Variants in HIP1 observed in about 807,000 individuals in gnomAD.
The protein encoded by HIP1 is huntingtin-interacting protein 1.
HIP1 carries 65 observed loss-of-function variants against 147.6 expected under a neutral mutation model. That is an observed-to-expected ratio of 0.44 (90% CI 0.36 to 0.54). The LOEUF is 0.54. HIP1 is among the 20% of genes least tolerant of loss of function. The pLI, the probability that HIP1 is intolerant of heterozygous loss-of-function variation, is 0.00. For synonymous variants in HIP1, 479 were observed against 504.0 expected (o/e 0.95, Z 0.67); for missense variants, 1,061 against 1,299.6 (o/e 0.82, Z 2.82).
In HIP1 at chr7:75,563,035, T is replaced by A; in HGVS notation, c.920A>T (p.His307Leu). 6.2e-7 allele frequency: 1 copy of A among 1,614,180 alleles called. No individual in the cohort carries two copies. The highest frequency in any genetic ancestry group is 8.5e-7 in the Non-Finnish European group (1 of 1,180,030). Residue 307 changes from histidine (H) to leucine (L), a missense_variant, in exon 11 of 31, where the codon CAT (histidine) becomes CTT (leucine). His to Leu is a moderately conservative substitution (Grantham distance 99, BLOSUM62 -3). Coordinates refer to ENST00000336926, the MANE Select transcript of HIP1 (RefSeq NM_005338.7). Reference sequence around the variant, plus strand: ...AGGGATCACCACCACAGGGCTGATATGTTCTGACAGGGCTGAGGCTCGCAG... The same window carrying A: ...AGGGATCACCACCACAGGGCTGATAAGTTCTGACAGGGCTGAGGCTCGCAG... Reference protein sequence around the residue: ...NFLRASALSEHISPVVVIPAE... With the variant: ...NFLRASALSELISPVVVIPAE...
At chr7:75,549,176 C>A (rs2116772008) in intron 22 of HIP1, among the ~76,000 whole-genome samples, 175 bp from the exon 23 acceptor site, 1 of 152,106 alleles carries the variant, frequency 6.6e-6, no homozygotes, top group South Asian at 2.1e-4. Flanking sequence ...CTCTGTGACA[C>A]AAACTCTGGA....
At position 75,562,284 on chromosome 7, in the gene HIP1, C is replaced by A. The variant is rs896311782; in HGVS notation, c.1021-114G>T. On this transcript the variant is annotated intron_variant, in intron 11 of 30. Coordinates refer to ENST00000336926, the MANE Select transcript of HIP1 (RefSeq NM_005338.7). ...CTTTCTCGAATTAAACGGTTCAGAC[C>A]TGTTTAATTTTTTTAATTTTTTTGA... 9 of 715,854 alleles carry A rather than the reference C, an allele frequency of 1.3e-5. No homozygotes were observed. The African/African-American group carries it at 1.6e-4, about 13-fold the overall frequency. The allele number at this position is 715,854 out of a possible 1,614,324, so 44.3% of individuals were successfully genotyped here. A position where few individuals can be genotyped will look rare whatever the true frequency, so the allele number is the denominator to read the frequency against.
chr7:75,605,493 A>G (rs1255119415), intron 1 of HIP1, among the ~76,000 whole-genome samples: 1 of 152,098 alleles, frequency 6.6e-6, no homozygotes, highest in Non-Finnish European at 1.5e-5. Context: ...GTAGAGCTGG[A>G]TGGAGCCTGG....
chr7:75,614,728 G>A (rs1797579271), intron 1 of HIP1, among the ~76,000 whole-genome samples: 1 of 147,586 alleles, frequency 6.8e-6, no homozygotes, highest in African/African-American at 2.6e-5. Context: ...CATGTTATAT[G>A]TATTTTGTCA....
chr7:75,704,339 G>A (rs1302382054), intron 1 of HIP1, among the ~76,000 whole-genome samples: 2 of 151,302 alleles, frequency 1.3e-5, no homozygotes, highest in South Asian at 2.1e-4. Flanking sequence ...TCCGCCTCCC[G>A]GTTCAAGCGA....
chr7:75,574,589 C>CAAAAAA (rs67839568), intron 7 of HIP1, among the ~76,000 whole-genome samples: 1 of 108,656 alleles, frequency 9.2e-6, no homozygotes, highest in African/African-American at 3.4e-5. Flanking sequence ...GACACCATCT[C>CAAAAAA]AAAAAAAAAA....
chr7:75,651,773 T>C (rs1211381137), intron 1 of HIP1, among the ~76,000 whole-genome samples: 2 of 152,178 alleles, frequency 1.3e-5, no homozygotes, highest in Non-Finnish European at 2.9e-5. Context: ...TGGGGTTGTT[T>C]TGACGCTAAG....
chr7:75,623,539 T>A (rs962000893), intron 1 of HIP1, among the ~76,000 whole-genome samples: 25 of 152,096 alleles, frequency 1.6e-4, no homozygotes, highest in Non-Finnish European at 4.4e-5. Flanking sequence ...CAGTGCCAGT[T>A]TTCACAGATC....
At chr7:75,581,041 C>T (rs587722896) in intron 7 of HIP1, among the ~76,000 whole-genome samples, 196 bp downstream of exon 7, 1 of 152,110 alleles carries the variant, frequency 6.6e-6, no homozygotes, top group African/African-American at 2.4e-5. Context: ...TGCACCCGGC[C>T]GAGACCTTGT....
intron 7 of HIP1, among the ~76,000 whole-genome samples, chr7:75,577,268 G>C (rs1322328791): frequency 1.4e-5 from 2 of 146,054 alleles, no homozygotes; most frequent in Admixed American, 1.4e-4. Flanking sequence ...GGAGGTCAAG[G>C]CTGCAGTGAG....
intron 5 of HIP1, among the ~76,000 whole-genome samples, chr7:75,585,250 T>C (rs1232286912): frequency 1.3e-5 from 2 of 151,148 alleles, no homozygotes; most frequent in Non-Finnish European, 2.9e-5. Flanking sequence ...AGAGGCAGCA[T>C]CTCGGCTCGC....
chr7:75,540,389 A>G (rs1355418643), intron 29 of HIP1, among the ~76,000 whole-genome samples: 1 of 148,870 alleles, frequency 6.7e-6, no homozygotes, highest in Non-Finnish European at 1.5e-5. Flanking sequence ...AGATCGTGCC[A>G]TTGTACTCAC....
At chr7:75,640,422 G>C (rs1055038328) in intron 1 of HIP1, among the ~76,000 whole-genome samples, 2 of 152,296 alleles carry the variant, frequency 1.3e-5, no homozygotes, top group East Asian at 1.9e-4. Context: ...TGAAGTTAGG[G>C]CTTTTAAAAT....
At position 75,648,752 on chromosome 7, in the gene HIP1, C is replaced by T. The variant is rs766790838; in HGVS notation, c.121-49505G>A. 9.2e-5 allele frequency among the ~76,000 whole-genome samples: 14 copies of T among 152,076 alleles called. No homozygotes were observed. The East Asian group carries it at 1.4e-3, about 15-fold the overall frequency. ...ATGAGACGTGCTGTGGGAAGGAAGGCGGCACAGAGACACCCTGCCCAGAGA... is the reference window on the plus strand; with the variant it reads ...ATGAGACGTGCTGTGGGAAGGAAGGTGGCACAGAGACACCCTGCCCAGAGA... On this transcript the variant is annotated intron_variant, in intron 1 of 30. Transcript: ENST00000336926.
At chr7:75,599,955 C>T (rs1554502695) in intron 1 of HIP1, among the ~76,000 whole-genome samples, 1 of 151,566 alleles carries the variant, frequency 6.6e-6, no homozygotes, top group African/African-American at 2.4e-5. Context: ...CCCGCCTCAG[C>T]CTCCCGAGTA....
Position 75,676,886 on chromosome 7 carries a change from C to T in HIP1, c.120+61915G>A, listed in dbSNP as rs782167695. Among the ~76,000 whole-genome samples, 8 of 151,930 alleles carry T rather than the reference C, an allele frequency of 5.3e-5. 1 individual carries two copies. The highest frequency in any genetic ancestry group is 1.0e-4 in the Non-Finnish European group (7 of 68,026). ...AACTGTTATCCATGACCTTAGGCAG[C>T]TCTGATGTTAAAATACGCAACAAAT... On this transcript the variant is annotated intron_variant, in intron 1 of 30. Transcript: ENST00000336926.
intron 1 of HIP1, among the ~76,000 whole-genome samples, chr7:75,684,507 C>A (rs1800195762): frequency 6.6e-6 from 1 of 150,822 alleles, no homozygotes; most frequent in Admixed American, 6.6e-5. Context: ...GCTATGCCCT[C>A]TCTTTTGTTT....
intron 1 of HIP1, among the ~76,000 whole-genome samples, chr7:75,683,574 C>T (rs1387813573): frequency 6.6e-6 from 1 of 152,194 alleles, no homozygotes; most frequent in African/African-American, 2.4e-5. Flanking sequence ...TCAGAGCTCC[C>T]ACCTTTCCAG....
intron 1 of HIP1, among the ~76,000 whole-genome samples, chr7:75,696,534 C>A (rs1800640881): frequency 2.0e-5 from 2 of 98,116 alleles, no homozygotes; most frequent in African/African-American, 3.9e-5. Context: ...CCCTTCCCCT[C>A]CCCTCCCTTC....
Sources: gnomAD v4.1 joint callset for allele counts (sites outside exome capture counted in the v4.1 genomes callset) on GRCh38, gnomAD v4.1.1 for gene constraint, MANE v1.5 for transcripts, NCBI Gene and HGNC (gene_info 2026-07-23, HGNC 2026-07-21) for gene names.